The following AHCYL2 variants were observed in gnomAD, a reference collection of about 807,000 sequenced individuals.
AHCYL2 encodes adenosylhomocysteinase like 2.
In AHCYL2, 28 loss-of-function variants were observed where a neutral mutation model predicts 81.4. That is an observed-to-expected ratio of 0.34 (90% CI 0.25 to 0.47). The LOEUF is 0.47. Among genes scored for constraint, AHCYL2 ranks in the 20% least tolerant of loss-of-function variants. The probability of loss-of-function intolerance (pLI) is 1.00; values close to 1 mark genes in which losing one functional copy is unlikely to be tolerated. For missense variants in AHCYL2, 551 were observed against 785.1 expected, an observed-to-expected ratio of 0.70 and a Z score of 3.56; for synonymous variants, 272 against 290.2, an observed-to-expected ratio of 0.94 and a Z score of 0.64.
chr7:129,251,164 C>G (rs1017284388), intron 1 of AHCYL2, among the ~76,000 whole-genome samples: 2 of 152,124 alleles, frequency 1.3e-5, no homozygotes. Context: ...GCATCCTTCT[C>G]CATTTGGATG....
chr7:129,396,268 G>C (rs559806001), intron 4 of AHCYL2, among the ~76,000 whole-genome samples: 1 of 144,686 alleles, frequency 6.9e-6, no homozygotes, highest in Non-Finnish European at 1.5e-5. Context: ...GACTACAGGC[G>C]CCCGCTACCA....
intron 2 of AHCYL2, among the ~76,000 whole-genome samples, chr7:129,383,812 T>G (rs1313309946): frequency 6.6e-6 from 1 of 152,212 alleles, no homozygotes; most frequent in Non-Finnish European, 1.5e-5. Context: ...CTTGGAATGC[T>G]CTTTTTCCAG....
At chr7:129,247,890 C>G (rs554280822) in intron 1 of AHCYL2, among the ~76,000 whole-genome samples, 2 of 152,352 alleles carry the variant, frequency 1.3e-5, no homozygotes, top group African/African-American at 4.8e-5. Flanking sequence ...GCATGAGCCA[C>G]TGCACTTAGC....
chr7:129,316,791 A>G (rs560648954), intron 1 of AHCYL2, among the ~76,000 whole-genome samples: 14 of 152,340 alleles, frequency 9.2e-5, no homozygotes, highest in African/African-American at 3.1e-4. Flanking sequence ...TTGGAATAGA[A>G]TGATGGAGGA....
chr7:129,227,389 G>T (rs1420547486), intron 1 of AHCYL2, among the ~76,000 whole-genome samples: 1 of 150,224 alleles, frequency 6.7e-6, no homozygotes, highest in African/African-American at 2.5e-5. Flanking sequence ...GGGAAACCAC[G>T]GCTGGTGGAT....
rs529154381 is a variant in AHCYL2 at position 129,243,262 on chromosome 7, A to G, written c.363+17823A>G. 1.9e-4 allele frequency among the ~76,000 whole-genome samples: 29 copies of G among 151,802 alleles called. No individual in the cohort carries two copies. In the South Asian group the frequency reaches 6.0e-3, roughly 32 times the overall value. ...CTGGTTTTGAGCTCCTGACCTTGTG[A>G]TCCACCTGCCTCGGCCTCCCAAAGT... On this transcript the variant is annotated intron_variant, in intron 1 of 16. Transcript: ENST00000325006.
chr7:129,263,176 A>C (rs1563171351), intron 1 of AHCYL2, among the ~76,000 whole-genome samples: 1 of 152,242 alleles, frequency 6.6e-6, no homozygotes, highest in Non-Finnish European at 1.5e-5. Flanking sequence ...GGCTTACAAT[A>C]ACAAGGATTT....
At chr7:129,397,122 A>T in intron 4 of AHCYL2, 100 bp from the exon 5 acceptor site, 1 of 1,004,326 alleles carries the variant, frequency 1.0e-6, no homozygotes, top group Admixed American at 2.7e-5. Context: ...GGCTTAAGTC[A>T]TTCCCGTTGT....
At chr7:129,304,101 C>T (rs1584763321) in intron 1 of AHCYL2, among the ~76,000 whole-genome samples, 1 of 152,182 alleles carries the variant, frequency 6.6e-6, no homozygotes, top group East Asian at 1.9e-4. Flanking sequence ...ACAAACTTCC[C>T]TCTTAGTACT....
Position 129,405,866 on chromosome 7 carries a change from T to C in AHCYL2, c.1173T>C (p.Gly391=). Residue 391 remains glycine (G), a synonymous_variant, in exon 9 of 17, where the codon GGT becomes GGC. Coordinates refer to ENST00000325006, the MANE Select transcript of AHCYL2 (RefSeq NM_015328.4). Reference sequence around the variant, plus strand: ...AAAGGACAACAGACATGATGTTTGGTGGAAAGCAAGTGGTAGTCTGTGGCT... The same window carrying C: ...AAAGGACAACAGACATGATGTTTGGCGGAAAGCAAGTGGTAGTCTGTGGCT... ...GLKRTTDMMF[G]GKQVVVCGYG... is the part of the protein sequence containing the mutation. 1 of 1,613,770 alleles carries C rather than the reference T, an allele frequency of 6.2e-7. No homozygotes were observed. Among genetic ancestry groups the C allele is most frequent in the Non-Finnish European group, 8.5e-7 (1 of 1,179,836 alleles).
chr7:129,343,479 A>G (rs946977490), intron 1 of AHCYL2, among the ~76,000 whole-genome samples: 1 of 152,168 alleles, frequency 6.6e-6, no homozygotes, highest in African/African-American at 2.4e-5. Context: ...TTAATACTTA[A>G]GAAGAAAGGG....
chr7:129,360,102 AT>A (rs763145427), intron 1 of AHCYL2, among the ~76,000 whole-genome samples: 3 of 142,668 alleles, frequency 2.1e-5, no homozygotes, highest in Non-Finnish European at 1.5e-5. Flanking sequence ...CTAGCTAGCT[AT>A]TTTTTTTTAA....
chr7:129,225,402 A>C lies in AHCYL2; in HGVS notation c.326A>C (p.Asp109Ala), dbSNP rs1794174221. ...GGCGGCGAGGCCCTGGTCAGCCCCGACGGCACCGTCACCGAGGCGCCGCGC... is the reference window on the plus strand; with the variant it reads ...GGCGGCGAGGCCCTGGTCAGCCCCGCCGGCACCGTCACCGAGGCGCCGCGC... Reference protein sequence around the residue: ...RDGGEALVSPDGTVTEAPRTV... With the variant: ...RDGGEALVSPAGTVTEAPRTV... The change falls in exon 1 of 17, where the codon GAC becomes GCC. Residue 109 changes from aspartate (D) to alanine (A), a missense_variant. Around this residue, in one of 2 missense-constraint regions of AHCYL2, gnomAD observed 235 missense variants for 242.1 expected, o/e 0.97. Coordinates refer to ENST00000325006, the MANE Select transcript of AHCYL2 (RefSeq NM_015328.4). 6.6e-7 allele frequency: 1 copy of C among 1,516,278 alleles called. No individual in the cohort carries two copies. The highest frequency in any genetic ancestry group is 8.8e-7 in the Non-Finnish European group (1 of 1,137,974). The allele number at this position is 1,516,278 out of a possible 1,614,324, so 93.9% of individuals were successfully genotyped here.
At position 129,225,248 on chromosome 7, in the gene AHCYL2, G is replaced by T; in HGVS notation, c.172G>T (p.Glu58Ter). ...GDPEAPAPAA[E>*]RPPVPGPGSG... ...CCCTGAGGCTCCAGCTCCCGCCGCG[G>T]AGCGGCCCCCGGTCCCCGGCCCGGG... The change falls in exon 1 of 17, where the codon GAG becomes TAG. Residue 58 changes from glutamate to a stop codon, truncating the protein, a stop_gained. Transcript: ENST00000325006. LOFTEE classifies it high-confidence loss of function. The T allele has an allele frequency of 6.8e-7, 1 of 1,465,566 alleles. No homozygotes were observed. The highest frequency in any genetic ancestry group is 8.9e-7 in the Non-Finnish European group (1 of 1,117,838). The allele number at this position is 1,465,566 out of a possible 1,614,324, so 90.8% of individuals were successfully genotyped here. A position where few individuals can be genotyped will look rare whatever the true frequency, so the allele number is the denominator to read the frequency against.
chr7:129,366,937 T>C (rs550138622), intron 1 of AHCYL2, among the ~76,000 whole-genome samples: 68 of 152,190 alleles, frequency 4.5e-4, no homozygotes, highest in African/African-American at 1.5e-3. Flanking sequence ...AATCAACATA[T>C]GTATGATGAA....
At chr7:129,385,608 A>AT in intron 2 of AHCYL2, among the ~76,000 whole-genome samples, 2 of 152,312 alleles carry the variant, frequency 1.3e-5, no homozygotes, top group East Asian at 1.9e-4. Flanking sequence ...TTTGGTTATC[A>AT]TCTCATTTAT....
chr7:129,330,618 C>G (rs1025870672), intron 1 of AHCYL2, among the ~76,000 whole-genome samples: 1 of 152,008 alleles, frequency 6.6e-6, no homozygotes, highest in African/African-American at 2.4e-5. Context: ...CTACAGGCGC[C>G]CACCACCACG....
chr7:129,313,357 C>G (rs1489996660), intron 1 of AHCYL2, among the ~76,000 whole-genome samples: 2 of 152,148 alleles, frequency 1.3e-5, no homozygotes, highest in Non-Finnish European at 2.9e-5. Context: ...ATGTTAGAAG[C>G]ATGGGAGATT....
At chr7:129,327,978 T>C (rs905476633) in intron 1 of AHCYL2, among the ~76,000 whole-genome samples, 1 of 152,058 alleles carries the variant, frequency 6.6e-6, no homozygotes, top group African/African-American at 2.4e-5. Flanking sequence ...ATTTTTCTTT[T>C]GTAGAGACGA....
Sources: gnomAD v4.1 joint callset for allele counts (sites outside exome capture counted in the v4.1 genomes callset) on GRCh38, gnomAD v4.1.1 for gene constraint, gnomAD v4.1.1 regional missense constraint, MANE v1.5 for transcripts, NCBI Gene and HGNC (gene_info 2026-07-23, HGNC 2026-07-21) for gene names.